GNAZ: variants seen among roughly 807,000 people sequenced by gnomAD.
The protein encoded by GNAZ is G protein subunit alpha z, also known as guanine nucleotide-binding protein G(z) subunit alpha.
A neutral mutation model predicts 25.4 loss-of-function variants in GNAZ; 3 were observed. The observed-to-expected ratio is 0.12, with a 90% CI of 0.05 to 0.30. GNAZ has a LOEUF of 0.30. Among genes scored for constraint, GNAZ ranks in the 10% least tolerant of loss-of-function variants. The pLI is 1.00. For synonymous variants in GNAZ, 211 were observed against 205.7 expected, an observed-to-expected ratio of 1.03 and a Z score of -0.22; for missense variants, 241 against 501.8, an observed-to-expected ratio of 0.48 and a Z score of 4.97.
chr22:23,113,827 T>G (rs1026620949), intron 2 of GNAZ, among the ~76,000 whole-genome samples: 1 of 152,218 alleles, frequency 6.6e-6, no homozygotes, highest in African/African-American at 2.4e-5. Flanking sequence ...CCACCAGGCC[T>G]GTCACACAGA....
intron 2 of GNAZ, among the ~76,000 whole-genome samples, chr22:23,101,492 G>A (rs985420671): frequency 6.6e-6 from 1 of 152,142 alleles, no homozygotes; most frequent in East Asian, 1.9e-4. Context: ...CACTCCCCTC[G>A]TCCCCTTGTC....
intron 2 of GNAZ, among the ~76,000 whole-genome samples, chr22:23,098,671 C>CT (rs1365551735): frequency 6.6e-6 from 1 of 152,274 alleles, no homozygotes; most frequent in East Asian, 1.9e-4. Flanking sequence ...CCAAGCGAGG[C>CT]TGGAAATTCA....
intron 2 of GNAZ, among the ~76,000 whole-genome samples, chr22:23,120,494 C>T (rs776992527): frequency 5.3e-5 from 8 of 152,132 alleles, no homozygotes; most frequent in Non-Finnish European, 5.9e-5. Context: ...GAACTGTTTC[C>T]GCATCAGTGA....
At chr22:23,089,160 G>A (rs4820536) in intron 1 of GNAZ, among the ~76,000 whole-genome samples, 36,508 of 152,112 alleles carry the variant, frequency 0.24, 4,681 homozygotes, top group East Asian at 0.36. Context: ...GAGGAAGTCA[G>A]GCACAGTGAT....
intron 1 of GNAZ, among the ~76,000 whole-genome samples, chr22:23,076,671 T>C (rs1423612603): frequency 6.6e-6 from 1 of 152,212 alleles, no homozygotes; most frequent in Non-Finnish European, 1.5e-5. Flanking sequence ...AGTGGGGCCT[T>C]TGTCAGACAC....
chr22:23,090,913 G>T (rs1429622801), intron 1 of GNAZ, among the ~76,000 whole-genome samples: 1 of 152,176 alleles, frequency 6.6e-6, no homozygotes, highest in Non-Finnish European at 1.5e-5. Context: ...CAGCCCAAGT[G>T]CCAGAATCAA....
intron 2 of GNAZ, among the ~76,000 whole-genome samples, chr22:23,102,992 T>C (rs2069349631): frequency 6.6e-6 from 1 of 152,144 alleles, no homozygotes; most frequent in African/African-American, 2.4e-5. Context: ...CTGGTAAGCC[T>C]TGAGGGAGGA....
At chr22:23,114,819 C>G (rs576636462) in intron 2 of GNAZ, among the ~76,000 whole-genome samples, 2 of 152,328 alleles carry the variant, frequency 1.3e-5, no homozygotes, top group Non-Finnish European at 2.9e-5. Flanking sequence ...TCCTGCCTGT[C>G]CTCACCCACC....
intron 1 of GNAZ, among the ~76,000 whole-genome samples, chr22:23,076,697 G>C (rs149374644): frequency 6.6e-6 from 1 of 152,362 alleles, no homozygotes; most frequent in African/African-American, 2.4e-5. Context: ...TTCACAGAGT[G>C]ATGACCTTCA....
intron 1 of GNAZ, among the ~76,000 whole-genome samples, chr22:23,085,919 G>A (rs577821109): frequency 6.6e-6 from 1 of 152,326 alleles, no homozygotes; most frequent in Admixed American, 6.5e-5. Flanking sequence ...GAAAATCCCA[G>A]TTTGGTGCCA....
chr22:23,107,473 T>C (rs2069516555), intron 2 of GNAZ, among the ~76,000 whole-genome samples: 1 of 152,156 alleles, frequency 6.6e-6, no homozygotes, highest in African/African-American at 2.4e-5. Context: ...CCTGAGAGTG[T>C]CTGAGGACAG....
At chr22:23,107,699 T>C (rs962182936) in intron 2 of GNAZ, among the ~76,000 whole-genome samples, 5 of 152,142 alleles carry the variant, frequency 3.3e-5, no homozygotes, top group African/African-American at 1.2e-4. Flanking sequence ...AGTCGGGTCC[T>C]GGGCCTCTGC....
chr22:23,113,993 C>T (rs539383408), intron 2 of GNAZ, among the ~76,000 whole-genome samples: 2 of 152,352 alleles, frequency 1.3e-5, no homozygotes, highest in Non-Finnish European at 1.5e-5. Flanking sequence ...CCCCAAGCTT[C>T]CACCACAAAG....
At chr22:23,105,288 G>A (rs977457072) in intron 2 of GNAZ, among the ~76,000 whole-genome samples, 1 of 152,224 alleles carries the variant, frequency 6.6e-6, no homozygotes, top group African/African-American at 2.4e-5. Context: ...TATGGGCAAG[G>A]TCCTGCCCCA....
chr22:23,093,179 G>A (rs1444847364), intron 1 of GNAZ, among the ~76,000 whole-genome samples: 2 of 152,194 alleles, frequency 1.3e-5, no homozygotes, highest in African/African-American at 4.8e-5. Context: ...GTCATCTCAA[G>A]GCTTCCATTC....
At chr22:23,094,452 C>T (rs1230970657) in intron 1 of GNAZ, among the ~76,000 whole-genome samples, 1 of 152,184 alleles carries the variant, frequency 6.6e-6, no homozygotes, top group Non-Finnish European at 1.5e-5. Context: ...CTAGGCCACC[C>T]TGCCTTGCCC....
intron 1 of GNAZ, among the ~76,000 whole-genome samples, chr22:23,093,195 T>G (rs925072950): frequency 6.6e-6 from 1 of 152,224 alleles, no homozygotes; most frequent in Non-Finnish European, 1.5e-5. Context: ...CATTCTCAGA[T>G]GTAATTTTCA....
intron 2 of GNAZ, among the ~76,000 whole-genome samples, chr22:23,122,073 G>T (rs968288678): frequency 1.3e-5 from 2 of 152,140 alleles, no homozygotes; most frequent in African/African-American, 4.8e-5. Context: ...AAGCCAGATT[G>T]GTTCCAGATT....
intron 1 of GNAZ, among the ~76,000 whole-genome samples, chr22:23,084,376 T>C (rs1044169263): frequency 1.6e-4 from 25 of 152,210 alleles, no homozygotes; most frequent in Non-Finnish European, 5.9e-5. Context: ...TGCAGGCTAA[T>C]GTAAGTGTTC....
Sources: allele counts gnomAD v4.1 joint callset (sites outside exome capture counted in the v4.1 genomes callset), GRCh38; gene constraint gnomAD v4.1.1; transcripts MANE v1.5; gene names NCBI Gene and HGNC (gene_info 2026-07-23, HGNC 2026-07-21).